DUSP22: variants seen among roughly 807,000 people sequenced by gnomAD.
DUSP22 encodes dual specificity protein phosphatase 22.
Under a neutral mutation model 24.5 loss-of-function variants are expected in DUSP22, and 24 were observed. The ratio of observed to expected loss-of-function variants is 0.98; its 90% CI spans 0.71 to 1.38. The LOEUF is 1.38. Ranked by LOEUF, DUSP22 falls within the 40% of genes most tolerant of loss-of-function variation. The probability of loss-of-function intolerance (pLI) is 0.00; values close to 1 mark genes in which losing one functional copy is unlikely to be tolerated. For missense variants in DUSP22, 330 were observed against 269.2 expected (o/e 1.23, Z -1.58); for synonymous variants, 160 against 106.4 (o/e 1.50, Z -3.10).
At chr6:302,618 A>G (rs1037387423) in intron 1 of DUSP22, among the ~76,000 whole-genome samples, 1 of 152,310 alleles carries the variant, frequency 6.6e-6, no homozygotes. Context: ...AGTGCCCGGC[A>G]TTGTGCCTGA....
At chr6:298,820 G>A (rs1757453875) in intron 1 of DUSP22, among the ~76,000 whole-genome samples, 1 of 152,294 alleles carries the variant, frequency 6.6e-6, no homozygotes, top group Admixed American at 6.5e-5. Flanking sequence ...TTAGACTCTG[G>A]GCAGGTTTTA....
chr6:299,075 C>A (rs1426847758), intron 1 of DUSP22, among the ~76,000 whole-genome samples: 1 of 152,308 alleles, frequency 6.6e-6, no homozygotes, highest in Non-Finnish European at 1.5e-5. Flanking sequence ...TTCAGAGGCC[C>A]ACAGATGCTT....
At chr6:331,888 C>G (rs1022561652) in intron 3 of DUSP22, among the ~76,000 whole-genome samples, 1 of 152,302 alleles carries the variant, frequency 6.6e-6, no homozygotes, top group Non-Finnish European at 1.5e-5. Flanking sequence ...TTGTGGATCA[C>G]GCCGACTGGC....
chr6:292,598 C>G, intron 1 of DUSP22, 38 bp downstream of exon 1: 1 of 1,582,162 alleles, frequency 6.3e-7, no homozygotes, highest in Non-Finnish European at 8.6e-7. Flanking sequence ...TTTGCCTCCG[C>G]TCCGACGCCC....
chr6:307,060 C>G (rs1471217317), intron 2 of DUSP22, among the ~76,000 whole-genome samples: 2 of 152,308 alleles, frequency 1.3e-5, no homozygotes, highest in Non-Finnish European at 2.9e-5. Flanking sequence ...GTGGCATTGG[C>G]TGGCAAGGGT....
At chr6:322,868 TTGAA>T (rs1338947245) in intron 3 of DUSP22, among the ~76,000 whole-genome samples, 7 of 151,192 alleles carry the variant, frequency 4.6e-5, no homozygotes, top group Non-Finnish European at 2.9e-5. Flanking sequence ...AATAGGAAGT[TTGAA>T]TGGGAAGTTA....
chr6:292,703 G>T, intron 1 of DUSP22, 143 bp downstream of exon 1: 1 of 1,271,130 alleles, frequency 7.9e-7, no homozygotes, highest in Non-Finnish European at 1.0e-6. Context: ...GGCGCGCCTG[G>T]GCGGCGACCG....
intron 2 of DUSP22, among the ~76,000 whole-genome samples, chr6:310,186 C>CAG (rs1758010067): frequency 6.6e-6 from 1 of 152,304 alleles, no homozygotes; most frequent in Non-Finnish European, 1.5e-5. Context: ...GTCTCACACT[C>CAG]CTGACCTCAG....
chr6:329,617 T>G (rs1342290367), intron 3 of DUSP22, among the ~76,000 whole-genome samples: 1 of 152,306 alleles, frequency 6.6e-6, no homozygotes, highest in Non-Finnish European at 1.5e-5. Context: ...CACGCCTGGC[T>G]AATTTTTGTA....
chr6:297,875 A>G (rs964504053), intron 1 of DUSP22, among the ~76,000 whole-genome samples: 6 of 152,306 alleles, frequency 3.9e-5, no homozygotes, highest in African/African-American at 1.4e-4. Context: ...CTGCCTGCGT[A>G]ATCCAGTCAT....
Position 349,949 on chromosome 6 carries a change from C to T in DUSP22, c.*998C>T. The T allele has an allele frequency of 1.0e-6, 1 of 985,802 alleles. No individual in the cohort carries two copies. Among genetic ancestry groups the T allele is most frequent in the Middle Eastern group, 5.2e-4 (1 of 1,914 alleles). 61.1% of individuals were successfully genotyped at this position (985,802 alleles called of 1,614,324 possible). On this transcript the variant is annotated 3_prime_UTR_variant, in exon 7 of 7. Coordinates refer to ENST00000419235, the MANE Select transcript of DUSP22 (RefSeq NM_001286555.3). Reference sequence around the variant, plus strand: ...TCTCGCTGTCCTCACTTTGCAGGGGCTCCTCCTCAACATTTGCATGCACCT... The same window carrying T: ...TCTCGCTGTCCTCACTTTGCAGGGGTTCCTCCTCAACATTTGCATGCACCT...
intron 3 of DUSP22, among the ~76,000 whole-genome samples, chr6:333,013 C>T (rs1684452943): frequency 6.6e-6 from 1 of 152,310 alleles, no homozygotes; most frequent in African/African-American, 2.4e-5. Context: ...GCATCTATAC[C>T]AACAAGCTTG....
intron 3 of DUSP22, among the ~76,000 whole-genome samples, chr6:316,934 C>G (rs1463752751): frequency 1.3e-5 from 2 of 152,304 alleles, no homozygotes; most frequent in Admixed American, 6.5e-5. Context: ...ATTTTATGAG[C>G]TAGAGTTCAG....
intron 4 of DUSP22, among the ~76,000 whole-genome samples, chr6:342,543 T>C (rs1355182714): frequency 6.6e-6 from 1 of 152,310 alleles, no homozygotes; most frequent in East Asian, 1.9e-4. Context: ...CTGGAGCCAC[T>C]TCTGGGCCAG....
intron 3 of DUSP22, among the ~76,000 whole-genome samples, chr6:313,698 G>A (rs1178494729): frequency 1.3e-5 from 2 of 152,300 alleles, no homozygotes; most frequent in African/African-American, 4.8e-5. Context: ...ACTTCCATGT[G>A]ATTTTATATT....
At chr6:347,988 A>G in intron 5 of DUSP22, 115 bp from the exon 6 acceptor site, 1 of 1,482,228 alleles carries the variant, frequency 6.7e-7, no homozygotes, top group Non-Finnish European at 9.2e-7. Flanking sequence ...CATATAATCC[A>G]AGGCAGGAAG....
intron 2 of DUSP22, among the ~76,000 whole-genome samples, chr6:305,937 G>A (rs1379524160): frequency 1.3e-5 from 2 of 152,304 alleles, no homozygotes; most frequent in Admixed American, 1.3e-4. Flanking sequence ...AATCTTTATT[G>A]TTGCTCTATA....
chr6:304,238 C>T (rs959940442), intron 1 of DUSP22, among the ~76,000 whole-genome samples: 29 of 152,400 alleles, frequency 1.9e-4, no homozygotes, highest in Non-Finnish European at 2.8e-4. Context: ...GTGAGGTGGG[C>T]GGGAGTGTAA....
At position 351,130 on chromosome 6, in the gene DUSP22, C is replaced by T; in HGVS notation, c.*2179C>T. On this transcript the variant is annotated 3_prime_UTR_variant, in exon 7 of 7. Transcript: ENST00000419235. ...TGTAAGGATCCCGGGAGCCTTGCCG[C>T]ACTGCCTTGTGGGTGGCTTGGCGCT... The T allele has an allele frequency of 1.8e-6, 1 of 564,400 alleles. No homozygotes were observed. The allele number at this position is 564,400 out of a possible 1,614,324, so 35.0% of individuals were successfully genotyped here. A position where few individuals can be genotyped will look rare whatever the true frequency, so the allele number is the denominator to read the frequency against.
Sources: gnomAD v4.1 joint callset for allele counts (sites outside exome capture counted in the v4.1 genomes callset) on GRCh38, gnomAD v4.1.1 for gene constraint, MANE v1.5 for transcripts, NCBI Gene and HGNC (gene_info 2026-07-23, HGNC 2026-07-21) for gene names.